NXPE2: variants seen among roughly 807,000 people sequenced by gnomAD.
NXPE2 encodes the protein NXPE family member 2.
Under a neutral mutation model 34.4 loss-of-function variants are expected in NXPE2, and 34 were observed. That is an observed-to-expected ratio of 0.99 (90% confidence interval 0.75 to 1.31). The LOEUF (loss-of-function observed/expected upper bound fraction) is 1.31, where lower values mean the gene tolerates loss of function less well. Among genes scored for constraint, NXPE2 ranks in the 40% most tolerant of loss-of-function variants. The probability of loss-of-function intolerance (pLI) is 0.00; values close to 1 mark genes in which losing one functional copy is unlikely to be tolerated. For missense variants in NXPE2, 649 were observed against 672.5 expected, an observed-to-expected ratio of 0.97 and a Z score of 0.39; for synonymous variants, 235 against 231.3, an observed-to-expected ratio of 1.02 and a Z score of -0.15.
chr11:114,578,305 G>T, the NXPE2 span, among the ~76,000 whole-genome samples: 1 of 152,146 alleles, frequency 6.6e-6, no homozygotes, highest in African/African-American at 2.4e-5. Context: ...TCTGGCCATA[G>T]AATTTAACTT....
At chr11:114,750,690 C>T in the NXPE2 span, among the ~76,000 whole-genome samples, 2 of 152,202 alleles carry the variant, frequency 1.3e-5, no homozygotes, top group African/African-American at 4.8e-5. Flanking sequence ...TAAATATGAT[C>T]TACTTCCCAA....
the NXPE2 span, among the ~76,000 whole-genome samples, chr11:114,798,419 T>C: frequency 6.6e-6 from 1 of 152,278 alleles, no homozygotes; most frequent in East Asian, 1.9e-4. Context: ...TCCAGAGTCT[T>C]GCTCTGACAC....
the NXPE2 span, among the ~76,000 whole-genome samples, chr11:114,565,319 A>G: frequency 1.3e-5 from 2 of 152,196 alleles, no homozygotes; most frequent in South Asian, 4.1e-4. Context: ...ACACAAAACC[A>G]TCTGTTTAAA....
the NXPE2 span, among the ~76,000 whole-genome samples, chr11:114,777,843 C>G: frequency 6.6e-6 from 1 of 152,136 alleles, no homozygotes; most frequent in African/African-American, 2.4e-5. Context: ...GATGGTGCAC[C>G]TCATTGGCTT....
chr11:114,567,251 G>A, the NXPE2 span, among the ~76,000 whole-genome samples: 1 of 152,030 alleles, frequency 6.6e-6, no homozygotes, highest in South Asian at 2.1e-4. Flanking sequence ...CCTACTGCTT[G>A]CATGGGCACT....
the NXPE2 span, among the ~76,000 whole-genome samples, chr11:114,728,689 C>G: frequency 1.3e-5 from 2 of 152,008 alleles, no homozygotes; most frequent in Non-Finnish European, 2.9e-5. Context: ...ATGGGACATA[C>G]AGTCTCTGTC....
At chr11:114,486,079 A>G in the NXPE2 span, among the ~76,000 whole-genome samples, 8 of 152,310 alleles carry the variant, frequency 5.3e-5, no homozygotes, top group South Asian at 4.1e-4. Flanking sequence ...ACTGTTCTTC[A>G]TAGTGGTTGT....
chr11:114,662,486 A>G, the NXPE2 span, among the ~76,000 whole-genome samples: 1 of 152,180 alleles, frequency 6.6e-6, no homozygotes. Flanking sequence ...TGCAACTTTT[A>G]GATGAGCTGC....
chr11:114,575,905 C>T, the NXPE2 span, among the ~76,000 whole-genome samples: 1,337 of 152,088 alleles, frequency 8.8e-3, 9 homozygotes, highest in Non-Finnish European at 0.015. Context: ...TAAGACTAAG[C>T]AAAAAGAACA....
the NXPE2 span, among the ~76,000 whole-genome samples, chr11:114,758,717 C>T: frequency 6.6e-6 from 1 of 151,670 alleles, no homozygotes; most frequent in Non-Finnish European, 1.5e-5. Flanking sequence ...GGGACCCTAG[C>T]AGTGTGTGTA....
At chr11:114,552,969 T>A in the NXPE2 span, 2 of 507,884 alleles carry the variant, frequency 3.9e-6, no homozygotes, top group Non-Finnish European at 5.1e-6. Flanking sequence ...TTCTTGTTGA[T>A]CTCTGAAGAA....
At chr11:114,640,936 C>T in the NXPE2 span, among the ~76,000 whole-genome samples, 2 of 151,504 alleles carry the variant, frequency 1.3e-5, no homozygotes, top group Admixed American at 6.6e-5. Context: ...TTTTGCTGTG[C>T]AAAAGGAAAA....
At chr11:114,610,320 C>T in the NXPE2 span, among the ~76,000 whole-genome samples, 24 of 151,290 alleles carry the variant, frequency 1.6e-4, no homozygotes, top group African/African-American at 4.9e-4. Flanking sequence ...CACTGTTATC[C>T]GGTGAATAAT....
At chr11:114,609,735 GA>G in the NXPE2 span, among the ~76,000 whole-genome samples, 2 of 151,744 alleles carry the variant, frequency 1.3e-5, no homozygotes, top group Non-Finnish European at 2.9e-5. Flanking sequence ...TTGCCTCATG[GA>G]TAACCACTGT....
the NXPE2 span, among the ~76,000 whole-genome samples, chr11:114,723,872 T>A: frequency 2.0e-5 from 3 of 152,290 alleles, no homozygotes; most frequent in South Asian, 6.2e-4. Context: ...TCACAAGCAA[T>A]GTGGCAGCCT....
rs1048691507 is a variant in NXPE2 at position 114,705,762 on chromosome 11, T to C, written c.929-19T>C. On this transcript the variant is annotated intron_variant, in intron 4 of 5. Coordinates refer to ENST00000389586, the MANE Select transcript of NXPE2 (RefSeq NM_182495.6). ...TTGTGGTAATAAAAATTACTTAATC[T>C]GGAAATTTGTATTGCCAGAGAGCGA... is the stretch of plus-strand genomic sequence containing the variant. 1.5e-6 allele frequency: 2 copies of C among 1,370,400 alleles called. No homozygotes were observed. The highest frequency in any genetic ancestry group is 3.5e-5 in the Admixed American group (1 of 28,308). 84.9% of individuals were successfully genotyped at this position (1,370,400 alleles called of 1,614,324 possible).
At chr11:114,742,690 T>C in the NXPE2 span, among the ~76,000 whole-genome samples, 2 of 150,688 alleles carry the variant, frequency 1.3e-5, no homozygotes, top group African/African-American at 4.9e-5. Context: ...TCCATGATGG[T>C]ATTTTTGTTT....
the NXPE2 span, chr11:114,551,881 T>G: frequency 2.0e-5 from 3 of 152,174 alleles, no homozygotes; most frequent in African/African-American, 7.2e-5. Context: ...ATGCCCATGT[T>G]AGTACTGTCA....
upstream of NXPE2, among the ~76,000 whole-genome samples, chr11:114,676,315 G>C (rs1163779667): frequency 1.3e-5 from 2 of 151,764 alleles, no homozygotes; most frequent in African/African-American, 4.8e-5. Context: ...AGAATGAAGA[G>C]ACAACCTACG....
Sources: allele counts gnomAD v4.1 joint callset (sites outside exome capture counted in the v4.1 genomes callset), GRCh38; gene constraint gnomAD v4.1.1; transcripts MANE v1.5; gene names NCBI Gene and HGNC (gene_info 2026-07-23, HGNC 2026-07-21).